TRDN: variants seen among roughly 807,000 people sequenced by gnomAD.
TRDN encodes triadin.
TRDN carries 161 observed loss-of-function variants against 149.7 expected under a neutral mutation model. The observed-to-expected ratio is 1.08, with a 90% CI of 0.95 to 1.23. The LOEUF is 1.23. TRDN is among the 50% of genes most tolerant of loss of function. TRDN has a pLI of 0.00. For missense variants in TRDN, 896 were observed against 823.5 expected (o/e 1.09, Z -1.08); for synonymous variants, 294 against 250.5 (o/e 1.17, Z -1.64).
At chr6:123,307,280 C>T (rs1405836261) in intron 24 of TRDN, among the ~76,000 whole-genome samples, 1 of 151,942 alleles carries the variant, frequency 6.6e-6, no homozygotes, top group Non-Finnish European at 1.5e-5. Flanking sequence ...TTTTCTTCCT[C>T]TTAATTAAAA....
intron 1 of TRDN, among the ~76,000 whole-genome samples, chr6:123,595,431 C>CT (rs1436379150): frequency 1.3e-5 from 2 of 152,086 alleles, no homozygotes; most frequent in African/African-American, 4.8e-5. Flanking sequence ...TGATGAAAGA[C>CT]TGACTAGTTA....
At chr6:123,425,015 T>C (rs963063231) in intron 12 of TRDN, among the ~76,000 whole-genome samples, 1 of 152,154 alleles carries the variant, frequency 6.6e-6, no homozygotes, top group African/African-American at 2.4e-5. Context: ...GGTAAGAGGC[T>C]ATGGTACCAG....
At chr6:123,228,157 G>A (rs750931076) in intron 38 of TRDN, among the ~76,000 whole-genome samples, 3 of 151,908 alleles carry the variant, frequency 2.0e-5, no homozygotes, top group African/African-American at 7.2e-5. Context: ...CACCTCCTCA[G>A]AATATCTGTG....
At chr6:123,536,210 G>A (rs965604438) in intron 4 of TRDN, among the ~76,000 whole-genome samples, 1 of 152,038 alleles carries the variant, frequency 6.6e-6, no homozygotes, top group Non-Finnish European at 1.5e-5. Context: ...AACTAAATTT[G>A]ATGAGGGCAA....
intron 24 of TRDN, among the ~76,000 whole-genome samples, chr6:123,281,896 G>T (rs1202980944): frequency 6.6e-6 from 1 of 152,128 alleles, no homozygotes; most frequent in Admixed American, 6.6e-5. Flanking sequence ...ATTAGAAGCT[G>T]ACTTCTGTCT....
At chr6:123,494,802 C>T (rs1778368535) in intron 9 of TRDN, among the ~76,000 whole-genome samples, 1 of 151,924 alleles carries the variant, frequency 6.6e-6, no homozygotes, top group Admixed American at 6.6e-5. Flanking sequence ...GGCGAGATCT[C>T]GGCTCACTGC....
At chr6:123,316,381 G>T (rs2114699309) in intron 24 of TRDN, 76 bp downstream of exon 24, 1 of 1,393,092 alleles carries the variant, frequency 7.2e-7, no homozygotes, top group Non-Finnish European at 1.0e-6. Flanking sequence ...AGCCAGGATT[G>T]TAAAACTGTA....
chr6:123,370,635 AT>A (rs1470599007), intron 19 of TRDN, among the ~76,000 whole-genome samples: 1 of 152,090 alleles, frequency 6.6e-6, no homozygotes, highest in African/African-American at 2.4e-5. Context: ...TAAATGACAC[AT>A]TTTTCTCCCT....
At chr6:123,333,929 G>C (rs1779761626) in intron 22 of TRDN, among the ~76,000 whole-genome samples, 1 of 152,054 alleles carries the variant, frequency 6.6e-6, no homozygotes, top group African/African-American at 2.4e-5. Context: ...GGGATATAAA[G>C]TGGAACTCTG....
chr6:123,244,658 T>G (rs776684311), intron 38 of TRDN, among the ~76,000 whole-genome samples: 1 of 152,170 alleles, frequency 6.6e-6, no homozygotes, highest in South Asian at 2.1e-4. Context: ...GGAACCAAGT[T>G]GGAAAACACA....
At chr6:123,367,386 C>T (rs1000492411) in intron 19 of TRDN, among the ~76,000 whole-genome samples, 2 of 152,114 alleles carry the variant, frequency 1.3e-5, no homozygotes, top group African/African-American at 4.8e-5. Context: ...CTGAGAACAA[C>T]CAAATCAAAC....
At chr6:123,376,930 A>G (rs964149367) in intron 18 of TRDN, among the ~76,000 whole-genome samples, 1 of 152,188 alleles carries the variant, frequency 6.6e-6, no homozygotes, top group Non-Finnish European at 1.5e-5. Context: ...AAGCTCCTTC[A>G]GTAGGAGTTA....
At chr6:123,457,049 A>G (rs1434120663) in intron 10 of TRDN, among the ~76,000 whole-genome samples, 1 of 152,256 alleles carries the variant, frequency 6.6e-6, no homozygotes, top group Non-Finnish European at 1.5e-5. Context: ...AGTTTCACTT[A>G]GAATTCCATA....
chr6:123,579,355 T>C (rs183069606), intron 1 of TRDN, among the ~76,000 whole-genome samples: 2 of 152,200 alleles, frequency 1.3e-5, no homozygotes, highest in East Asian at 1.9e-4. Flanking sequence ...CATAAAGGAA[T>C]GTTGAATTTT....
At chr6:123,426,835 T>C (rs1583005661) in intron 12 of TRDN, among the ~76,000 whole-genome samples, 1 of 152,096 alleles carries the variant, frequency 6.6e-6, no homozygotes. Flanking sequence ...TTTTGAAAAA[T>C]ACTGTTCTTA....
intron 4 of TRDN, among the ~76,000 whole-genome samples, chr6:123,533,720 G>T (rs985688737): frequency 6.6e-6 from 1 of 151,902 alleles, no homozygotes; most frequent in African/African-American, 2.4e-5. Context: ...TCAAAGACTA[G>T]GGTCAAGACC....
chr6:123,384,260 G>T (rs183892970), intron 14 of TRDN, among the ~76,000 whole-genome samples: 52 of 152,132 alleles, frequency 3.4e-4, no homozygotes, highest in Non-Finnish European at 6.6e-4. Context: ...AACAGCTTAA[G>T]GTATGAACTT....
At chr6:123,375,382 T>A (rs932999795) in intron 19 of TRDN, among the ~76,000 whole-genome samples, 1 of 152,148 alleles carries the variant, frequency 6.6e-6, no homozygotes, top group African/African-American at 2.4e-5. Context: ...GGGGTTATGA[T>A]GTGGCCAAAT....
At chr6:123,468,686 T>C (rs974673693) in intron 9 of TRDN, 2 of 152,226 alleles carry the variant, frequency 1.3e-5, no homozygotes, top group Non-Finnish European at 2.9e-5. Context: ...TTAATCTATC[T>C]AGTTTCTTTA....
Sources: allele counts gnomAD v4.1 joint callset (sites outside exome capture counted in the v4.1 genomes callset), GRCh38; gene constraint gnomAD v4.1.1; transcripts MANE v1.5; gene names NCBI Gene and HGNC (gene_info 2026-07-23, HGNC 2026-07-21).